Variants in RASGEF1C observed in about 807,000 individuals in gnomAD.
The protein encoded by RASGEF1C is RasGEF domain family member 1C.
RASGEF1C carries 27 observed loss-of-function variants against 58.1 expected under a neutral mutation model. That is an observed-to-expected ratio of 0.46 (90% confidence interval 0.34 to 0.64). RASGEF1C has a LOEUF of 0.64. RASGEF1C is among the 30% of genes least tolerant of loss of function. The pLI is 0.01. For synonymous variants in RASGEF1C, 243 were observed against 246.3 expected, an observed-to-expected ratio of 0.99 and a Z score of 0.13; for missense variants, 502 against 605.1, an observed-to-expected ratio of 0.83 and a Z score of 1.79.
chr5:180,136,335 C>T (rs1269408154), intron 4 of RASGEF1C, 43 bp downstream of exon 4: 2 of 1,531,344 alleles, frequency 1.3e-6, no homozygotes, highest in Admixed American at 2.0e-5. Context: ...AGGCCTGGGA[C>T]GGGAGGGACC....
intron 6 of RASGEF1C, among the ~76,000 whole-genome samples, chr5:180,123,430 G>A (rs1430286173): frequency 6.6e-6 from 1 of 152,146 alleles, no homozygotes; most frequent in East Asian, 1.9e-4. Flanking sequence ...AACTACTTGA[G>A]AATACGCATT....
chr5:180,198,487 G>A lies in RASGEF1C; in HGVS notation c.-7+10541C>T, dbSNP rs528940635. Among the ~76,000 whole-genome samples the A allele has an allele frequency of 3.9e-5, 6 of 152,290 alleles. No homozygotes were observed. Among genetic ancestry groups the A allele is most frequent in the Non-Finnish European group, 8.8e-5 (6 of 68,014 alleles). Reference sequence around the variant, plus strand: ...TGGATAATTTATAAGTAGTAGAAATGTATGCCTCACAGTTCTAGAGGCAGA... The same window carrying A: ...TGGATAATTTATAAGTAGTAGAAATATATGCCTCACAGTTCTAGAGGCAGA... On this transcript the variant is annotated intron_variant, in intron 1 of 13. Transcript: ENST00000361132. This position sits in a 1 kb window ranked among gnomAD's most constrained non-coding sequence, Gnocchi z 4.5.
At chr5:180,106,426 A>G (rs1231391294) in intron 12 of RASGEF1C, among the ~76,000 whole-genome samples, 2 of 152,194 alleles carry the variant, frequency 1.3e-5, no homozygotes, top group African/African-American at 2.4e-5. Context: ...ATTTGGTGCT[A>G]TAAGATTTCC....
intron 8 of RASGEF1C, 134 bp downstream of exon 8, chr5:180,119,212 C>A (rs1251320255): frequency 5.1e-6 from 4 of 784,286 alleles, no homozygotes; most frequent in African/African-American, 1.7e-5. Flanking sequence ...CCCAGGCCTT[C>A]AGAGAGCCCG....
Position 180,132,899 on chromosome 5 carries a change from G to A in RASGEF1C, c.438+3479C>T, listed in dbSNP as rs191804692. Among the ~76,000 whole-genome samples the A allele has an allele frequency of 2.4e-3, 369 of 151,732 alleles. 4 individuals are homozygous for A. The highest frequency in any genetic ancestry group is 4.5e-3 in the Non-Finnish European group (308 of 67,916). On this transcript the variant is annotated intron_variant, in intron 4 of 13. Transcript: ENST00000361132. Reference sequence around the variant, plus strand: ...TAGGAGAATTGCTTGAACCCAGGAGGTGGTGGTGGCAGTGAGCCAAATCAC... The same window carrying A: ...TAGGAGAATTGCTTGAACCCAGGAGATGGTGGTGGCAGTGAGCCAAATCAC...
At chr5:180,187,687 A>T (rs186360540) in intron 1 of RASGEF1C, among the ~76,000 whole-genome samples, 102 of 152,344 alleles carry the variant, frequency 6.7e-4, no homozygotes, top group Non-Finnish European at 1.1e-3. Context: ...AGCAGGCAAA[A>T]TACTTGAATA....
chr5:180,120,437 CCCAGCCTGGCCCAGCGCTGCCT>C (rs992713974), intron 7 of RASGEF1C, among the ~76,000 whole-genome samples: 7 of 152,192 alleles, frequency 4.6e-5, no homozygotes, highest in African/African-American at 9.6e-5. Context: ...CTGCGGAGAG[CCCAGCCTGGCCCAGCGCTGCCT>C]CCAGCCTGGC....
At chr5:180,166,282 C>T (rs1767019656) in intron 1 of RASGEF1C, among the ~76,000 whole-genome samples, 1 of 152,106 alleles carries the variant, frequency 6.6e-6, no homozygotes, top group Non-Finnish European at 1.5e-5. Context: ...AACCATCAAA[C>T]ATACTTTAAA....
Position 180,176,627 on chromosome 5 carries a change from G to A in RASGEF1C, c.-7+32401C>T, listed in dbSNP as rs571298075. 7.9e-5 allele frequency among the ~76,000 whole-genome samples: 12 copies of A among 151,618 alleles called. 1 individual carries two copies. The South Asian group carries it at 2.5e-3, about 32-fold the overall frequency. On this transcript the variant is annotated intron_variant, in intron 1 of 13. Transcript: ENST00000361132. ...GCTGGAGTGCAGTGGCGCAATCTCG[G>A]CTCACTGCAAGCTCCGCCTCCCGGG...
intron 1 of RASGEF1C, among the ~76,000 whole-genome samples, chr5:180,166,166 A>C (rs934051100): frequency 1.3e-5 from 2 of 152,238 alleles, no homozygotes; most frequent in East Asian, 3.8e-4. Flanking sequence ...TTCAAGTGGA[A>C]TCTAGAAACT....
At chr5:180,160,816 A>G (rs1352336795) in intron 1 of RASGEF1C, among the ~76,000 whole-genome samples, 1 of 152,062 alleles carries the variant, frequency 6.6e-6, no homozygotes, top group Non-Finnish European at 1.5e-5. Context: ...TGGTATATAA[A>G]CTCATAAATG....
intron 1 of RASGEF1C, among the ~76,000 whole-genome samples, chr5:180,190,489 C>CAAAAAAAA (rs869186264): frequency 7.7e-5 from 6 of 77,592 alleles, no homozygotes; most frequent in Admixed American, 3.1e-4. Context: ...GACTCCGTCT[C>CAAAAAAAA]AAAAAAAAAA....
chr5:180,195,314 T>A (rs1756246485), intron 1 of RASGEF1C, among the ~76,000 whole-genome samples: 1 of 152,038 alleles, frequency 6.6e-6, no homozygotes, highest in South Asian at 2.1e-4. Flanking sequence ...ACTAACTCAG[T>A]GGTCTCCAAA....
intron 7 of RASGEF1C, 82 bp from the exon 8 acceptor site, chr5:180,119,530 T>A (rs1766132002): frequency 9.5e-7 from 1 of 1,048,716 alleles, no homozygotes; most frequent in African/African-American, 1.6e-5. Flanking sequence ...CCTGGCCCGC[T>A]TCACCTTCTC....
At chr5:180,130,093 C>A (rs998892599) in intron 4 of RASGEF1C, among the ~76,000 whole-genome samples, 1 of 152,142 alleles carries the variant, frequency 6.6e-6, no homozygotes, top group Non-Finnish European at 1.5e-5. Flanking sequence ...CATAGCACAG[C>A]GGCGGCAGCA....
intron 1 of RASGEF1C, among the ~76,000 whole-genome samples, chr5:180,175,987 C>T (rs538309250): frequency 5.9e-5 from 9 of 152,026 alleles, no homozygotes; most frequent in East Asian, 1.9e-4. Flanking sequence ...GACTCCGTCT[C>T]GAAGAAAAAA....
intron 1 of RASGEF1C, among the ~76,000 whole-genome samples, chr5:180,162,225 G>A (rs1201001287): frequency 6.6e-6 from 1 of 152,200 alleles, no homozygotes; most frequent in Non-Finnish European, 1.5e-5. Context: ...TGAAAATCAC[G>A]ACATTGTCTG....
At chr5:180,167,471 A>C (rs1000797542) in intron 1 of RASGEF1C, among the ~76,000 whole-genome samples, 3 of 152,210 alleles carry the variant, frequency 2.0e-5, no homozygotes, top group Non-Finnish European at 4.4e-5. Context: ...CCTGGGTGAC[A>C]GAGTGAGACC....
chr5:180,105,666 G>A (rs538909180), intron 12 of RASGEF1C, among the ~76,000 whole-genome samples: 101 of 151,800 alleles, frequency 6.7e-4, no homozygotes, highest in African/African-American at 2.4e-3. Flanking sequence ...TCAGGAGTTC[G>A]AGACCAGCCT....
Sources: allele counts gnomAD v4.1 joint callset (sites outside exome capture counted in the v4.1 genomes callset), GRCh38; gene constraint gnomAD v4.1.1; non-coding constraint Gnocchi (gnomAD v3.1); transcripts MANE v1.5; gene names NCBI Gene and HGNC (gene_info 2026-07-23, HGNC 2026-07-21).